Variants in SLC2A13 observed in about 807,000 individuals in gnomAD.
SLC2A13 encodes proton myo-inositol cotransporter.
A neutral mutation model predicts 64.4 loss-of-function variants in SLC2A13; 32 were observed. That is an observed-to-expected ratio of 0.50 (90% CI 0.37 to 0.67). SLC2A13 has a LOEUF of 0.67. Ranked by LOEUF, SLC2A13 falls within the 30% of genes least tolerant of loss-of-function variation. The pLI is 0.00. For synonymous variants in SLC2A13, 338 were observed against 327.1 expected, an observed-to-expected ratio of 1.03 and a Z score of -0.36; for missense variants, 743 against 829.2, an observed-to-expected ratio of 0.90 and a Z score of 1.28.
At chr12:39,841,738 G>GA (rs1331563556) in intron 6 of SLC2A13, among the ~76,000 whole-genome samples, 11 of 151,610 alleles carry the variant, frequency 7.3e-5, no homozygotes, top group African/African-American at 2.4e-4. Flanking sequence ...TTTTTTCAGA[G>GA]AAAAAAACAG....
chr12:39,787,591 C>A (rs189657486), intron 7 of SLC2A13, among the ~76,000 whole-genome samples: 1 of 151,906 alleles, frequency 6.6e-6, no homozygotes, highest in Admixed American at 6.6e-5. Context: ...CTCTTCAGTC[C>A]CTATTGAAAC....
rs115188503 is a variant in SLC2A13 at position 39,892,491 on chromosome 12, C to T, written c.1035-20530G>A. Among the ~76,000 whole-genome samples the T allele has an allele frequency of 5.7e-3, 871 of 152,304 alleles. 7 individuals carry two copies. The highest frequency in any genetic ancestry group is 0.02 in the African/African-American group (816 of 41,564). On this transcript the variant is annotated intron_variant, in intron 4 of 9. Transcript: ENST00000280871. The stretch of plus-strand genomic sequence containing the variant: ...GTGACTTGATCTGTGCAACTACTGA[C>T]GCTTAACCGAACTTTAGTCAAAAGA...
rs11420371 is a variant in SLC2A13, at chr12:40,063,462, T to TAA, written c.557-15254_557-15253dup. 2.5e-3 allele frequency among the ~76,000 whole-genome samples: 341 copies of TAA among 138,934 alleles called. 2 individuals carry two copies. The highest frequency in any genetic ancestry group is 7.1e-3 in the African/African-American group (269 of 37,886). The allele number at this position is 138,934 out of a possible 152,430, so 91.1% of individuals were successfully genotyped here. ...AGCATAATGCCTACATCTAAATTAG[T>TAA]AAAAAAAAAAAACTGAAGAAAAAAA... On this transcript the variant is annotated intron_variant, in intron 1 of 9. Transcript: ENST00000280871.
At chr12:40,034,965 A>G (rs1947957170) in intron 2 of SLC2A13, among the ~76,000 whole-genome samples, 1 of 152,166 alleles carries the variant, frequency 6.6e-6, no homozygotes, top group African/African-American at 2.4e-5. Context: ...ACTTACCCAG[A>G]GATGGCATCC....
intron 7 of SLC2A13, among the ~76,000 whole-genome samples, chr12:39,813,970 C>T (rs1331465038): frequency 1.3e-4 from 20 of 152,204 alleles, no homozygotes; most frequent in Admixed American, 1.2e-3. Flanking sequence ...CAATCTTGGA[C>T]AATTTCCAGT....
chr12:39,940,960 T>C (rs1391281732), intron 4 of SLC2A13, among the ~76,000 whole-genome samples: 1 of 152,068 alleles, frequency 6.6e-6, no homozygotes, highest in African/African-American at 2.4e-5. Flanking sequence ...TGAGAACATA[T>C]GATGTTTGGT....
intron 7 of SLC2A13, among the ~76,000 whole-genome samples, chr12:39,822,184 C>T (rs1942538923): frequency 6.7e-6 from 1 of 149,940 alleles, no homozygotes; most frequent in Non-Finnish European, 1.5e-5. Flanking sequence ...GTTTTTTCTT[C>T]TTGCGATAGT....
At chr12:39,760,953 A>AACACACACACACACACAC (rs71449492) in intron 9 of SLC2A13, among the ~76,000 whole-genome samples, 2,548 of 101,570 alleles carry the variant, frequency 0.025, 128 homozygotes, top group African/African-American at 0.054. Context: ...GTCTCTACCA[A>AACACACACACACACACAC]ACACACACAC....
At chr12:39,856,371 A>ATTTC (rs1943608092) in intron 6 of SLC2A13, among the ~76,000 whole-genome samples, 4 of 151,848 alleles carry the variant, frequency 2.6e-5, no homozygotes, top group African/African-American at 9.7e-5. Context: ...TATTTTATTT[A>ATTTC]TTTTATTTTA....
intron 4 of SLC2A13, among the ~76,000 whole-genome samples, chr12:39,902,013 G>A (rs7953063): frequency 1.3e-5 from 2 of 151,740 alleles, no homozygotes; most frequent in Admixed American, 6.6e-5. Context: ...TATGCAGCCA[G>A]AAAAAAGGAT....
At chr12:39,918,159 A>G (rs1945551192) in intron 4 of SLC2A13, among the ~76,000 whole-genome samples, 1 of 152,078 alleles carries the variant, frequency 6.6e-6, no homozygotes, top group South Asian at 2.1e-4. Flanking sequence ...CCAAATTATG[A>G]CATCCACATA....
At chr12:40,041,894 A>C (rs1948095632) in intron 2 of SLC2A13, among the ~76,000 whole-genome samples, 1 of 152,180 alleles carries the variant, frequency 6.6e-6, no homozygotes, top group Non-Finnish European at 1.5e-5. Flanking sequence ...GAATTCATAG[A>C]CCATTGGAAT....
intron 1 of SLC2A13, among the ~76,000 whole-genome samples, chr12:40,102,496 A>G (rs898844383): frequency 6.6e-6 from 1 of 152,090 alleles, no homozygotes; most frequent in South Asian, 2.1e-4. Context: ...TGGCAGGAAT[A>G]TATCAGTGAA....
intron 1 of SLC2A13, among the ~76,000 whole-genome samples, chr12:40,081,424 G>T (rs1189251413): frequency 6.6e-6 from 1 of 152,114 alleles, no homozygotes; most frequent in East Asian, 1.9e-4. Context: ...CAACTGAGTT[G>T]ATTCAAAGAA....
intron 4 of SLC2A13, among the ~76,000 whole-genome samples, chr12:39,927,426 T>C (rs1053768905): frequency 6.6e-6 from 1 of 152,188 alleles, no homozygotes; most frequent in African/African-American, 2.4e-5. Context: ...TCTTGAGTTT[T>C]TTTCCCCCAA....
intron 4 of SLC2A13, among the ~76,000 whole-genome samples, chr12:39,877,395 AC>A (rs199773495): frequency 1.3e-5 from 2 of 151,748 alleles, no homozygotes; most frequent in Non-Finnish European, 2.9e-5. Flanking sequence ...CAGAATTGGA[AC>A]CCCCCCTCCA....
intron 4 of SLC2A13, among the ~76,000 whole-genome samples, chr12:39,910,201 GCTA>G (rs1163320322): frequency 2.0e-5 from 3 of 151,978 alleles, no homozygotes; most frequent in African/African-American, 4.8e-5. Flanking sequence ...CCTAGAAAGT[GCTA>G]CTATTTATTA....
At chr12:39,762,424 A>G (rs1040257862) in intron 9 of SLC2A13, among the ~76,000 whole-genome samples, 8 of 152,136 alleles carry the variant, frequency 5.3e-5, no homozygotes, top group African/African-American at 1.7e-4. Context: ...GACTACCTCA[A>G]GAGAGAAGCT....
intron 1 of SLC2A13, among the ~76,000 whole-genome samples, chr12:40,101,637 A>T (rs1939152006): frequency 6.6e-6 from 1 of 152,214 alleles, no homozygotes; most frequent in African/African-American, 2.4e-5. Flanking sequence ...AAAAACCTCT[A>T]AAAGCTCTCC....
Sources: allele counts gnomAD v4.1 joint callset (sites outside exome capture counted in the v4.1 genomes callset), GRCh38; gene constraint gnomAD v4.1.1; transcripts MANE v1.5; gene names NCBI Gene and HGNC (gene_info 2026-07-23, HGNC 2026-07-21).